The following TAF6L variants were observed in gnomAD, a reference collection of about 807,000 sequenced individuals.
The protein encoded by TAF6L is TAF6-like RNA polymerase II p300/CBP-associated factor-associated factor 65 kDa subunit 6L.
TAF6L carries 34 observed loss-of-function variants against 57.3 expected under a neutral mutation model. That is an observed-to-expected ratio of 0.59 (90% CI 0.45 to 0.79). The LOEUF (loss-of-function observed/expected upper bound fraction) is 0.79. TAF6L is among the 30% of genes least tolerant of loss of function. The pLI is 0.00. For missense variants in TAF6L, 782 were observed against 853.2 expected, an observed-to-expected ratio of 0.92 and a Z score of 1.04; for synonymous variants, 417 against 376.3, an observed-to-expected ratio of 1.11 and a Z score of -1.25.
chr11:62,772,058 C>T (rs1272245499), intron 1 of TAF6L: 12 of 455,810 alleles, frequency 2.6e-5, no homozygotes, highest in Non-Finnish European at 4.8e-5. Context: ...CTCCCCCTCC[C>T]TACTTACTCA....
chr11:62,771,863 A>C, intron 1 of TAF6L: 1 of 307,432 alleles, frequency 3.3e-6, no homozygotes, highest in Non-Finnish European at 6.5e-6. Context: ...GGTGGACTAA[A>C]TGCTCCCATT....
intron 1 of TAF6L, 155 bp from the exon 2 acceptor site, chr11:62,775,616 C>T (rs909525303): frequency 6.5e-6 from 5 of 763,850 alleles, no homozygotes; most frequent in African/African-American, 5.3e-5. Context: ...CTGTTTCCTT[C>T]TCTGAGCCTC....
rs199867484 is a variant in TAF6L, at chr11:62,786,548, C to T, written c.1121C>T (p.Ala374Val). ...GTAGAGCGACTGCTGAAGATGAAGG[C>T]CCAGGCAGCAGAGCCCAACAGGGGT... Reference protein sequence around the residue: ...VAVERLLKMKAQAAEPNRGGP... With the variant: ...VAVERLLKMKVQAAEPNRGGP... The change falls in exon 11 of 11, where the codon GCC (alanine) becomes GTC (valine). Residue 374 changes from alanine to valine, a missense_variant. Coordinates refer to ENST00000294168, the MANE Select transcript of TAF6L (RefSeq NM_006473.4). The T allele has an allele frequency of 1.3e-6, 2 of 1,553,738 alleles. No individual in the cohort carries two copies. The highest frequency in any genetic ancestry group is 1.7e-6 in the Non-Finnish European group (2 of 1,148,594).
intron 9 of TAF6L, among the ~76,000 whole-genome samples, chr11:62,783,738 A>G (rs2084248152): frequency 6.6e-6 from 1 of 151,598 alleles, no homozygotes; most frequent in East Asian, 2.0e-4. Context: ...TCATCATGTT[A>G]GCCAGGCTGG....
At chr11:62,783,284 C>A (rs1189475514) in intron 9 of TAF6L, among the ~76,000 whole-genome samples, 1 of 152,072 alleles carries the variant, frequency 6.6e-6, no homozygotes, top group Non-Finnish European at 1.5e-5. Flanking sequence ...AGATCGAAAC[C>A]ATCCTGGCTA....
Position 62,786,760 on chromosome 11 carries a change from T to C in TAF6L, c.1333T>C (p.Tyr445His), listed in dbSNP as rs776978761. The C allele has an allele frequency of 7.2e-5, 116 of 1,612,956 alleles. No individual in the cohort carries two copies. In the East Asian group the frequency reaches 1.5e-3, roughly 21 times the overall value. Residue 445 changes from tyrosine to histidine, a missense_variant, in exon 11 of 11, where the codon TAC becomes CAC. Tyr to His is a moderately conservative substitution (Grantham distance 83). This residue lies in a region of TAF6L where 483 missense variants were observed against 445.1 expected (regional missense o/e 1.09). Coordinates refer to ENST00000294168, the MANE Select transcript of TAF6L (RefSeq NM_006473.4). Reference protein sequence around the residue: ...VTLADIYRELYAFFGDSLATR... With the variant: ...VTLADIYRELHAFFGDSLATR... ...CCTGGCCGACATCTACCGGGAGCTC[T>C]ACGCCTTCTTCGGTGACAGCTTGGC...
At chr11:62,784,444 C>T (rs1193803867) in intron 9 of TAF6L, among the ~76,000 whole-genome samples, 1 of 151,464 alleles carries the variant, frequency 6.6e-6, no homozygotes, top group African/African-American at 2.4e-5. Context: ...GTAGCTGGGA[C>T]TACAGGCGCC....
intron 9 of TAF6L, among the ~76,000 whole-genome samples, chr11:62,784,551 C>T (rs1474382699): frequency 6.6e-6 from 1 of 152,122 alleles, no homozygotes; most frequent in Non-Finnish European, 1.5e-5. Context: ...CATGATCCGC[C>T]CGCCTTGGCC....
rs1463572206 is a variant in TAF6L at position 62,775,944 on chromosome 11, A to AC, written c.147+19dup. ...GAGGCCACGCAGGTACACTCCCCTC[A>AC]CCCCCTGATACCTCCAACTTTCCTT... On this transcript the variant is annotated intron_variant, in intron 2 of 10. Coordinates refer to ENST00000294168, the MANE Select transcript of TAF6L (RefSeq NM_006473.4). 1.3e-6 allele frequency: 2 copies of AC among 1,581,522 alleles called. No homozygotes were observed. Among genetic ancestry groups the AC allele is most frequent in the Non-Finnish European group, 1.7e-6 (2 of 1,163,402 alleles).
chr11:62,782,638 C>G (rs2084238871), intron 8 of TAF6L, 55 bp from the exon 9 acceptor site: 1 of 1,598,208 alleles, frequency 6.3e-7, no homozygotes, highest in African/African-American at 1.3e-5. Flanking sequence ...GTCTTGTGCC[C>G]TGTTGGGTGG....
intron 9 of TAF6L, among the ~76,000 whole-genome samples, chr11:62,785,482 G>A (rs1200552098): frequency 1.3e-5 from 2 of 151,374 alleles, no homozygotes; most frequent in African/African-American, 4.8e-5. Context: ...GTGAGCCACA[G>A]CGCCCGGCTG....
At chr11:62,779,967 TATATATATA>T (rs1177400377) in intron 6 of TAF6L, among the ~76,000 whole-genome samples, 1 of 74,022 alleles carries the variant, frequency 1.4e-5, no homozygotes, top group Admixed American at 1.4e-4. Context: ...TATATATATA[TATATATATA>T]TTTTTTTTTT....
chr11:62,771,995 G>A (rs1156249131), intron 1 of TAF6L: 3 of 409,646 alleles, frequency 7.3e-6, no homozygotes, highest in Admixed American at 2.9e-5. Flanking sequence ...TACAGCTGGC[G>A]GCTCCTGAAT....
At chr11:62,778,682 A>G in intron 5 of TAF6L, 187 bp from the exon 6 acceptor site, 1 of 624,150 alleles carries the variant, frequency 1.6e-6, no homozygotes, top group East Asian at 2.7e-5. Flanking sequence ...GACAGAGCAC[A>G]GAGGTGTGCA....
At chr11:62,786,491 C>T in intron 10 of TAF6L, 26 bp from the exon 11 acceptor site, 1 of 1,573,302 alleles carries the variant, frequency 6.4e-7, no homozygotes, top group South Asian at 1.2e-5. Flanking sequence ...GAATTTTTTG[C>T]CTATCTTAGT....
At chr11:62,783,201 C>T (rs1276846663) in intron 9 of TAF6L, among the ~76,000 whole-genome samples, 2 of 152,086 alleles carry the variant, frequency 1.3e-5, no homozygotes, top group African/African-American at 2.4e-5. Flanking sequence ...TAGGTGTTGG[C>T]GCCGGGCGCA....
At chr11:62,776,625 C>T (rs375801215) in intron 3 of TAF6L, among the ~76,000 whole-genome samples, 155 bp downstream of exon 3, 3 of 151,972 alleles carry the variant, frequency 2.0e-5, no homozygotes, top group South Asian at 2.1e-4. Context: ...CCGAGGTGGG[C>T]GGATCACTTG....
At chr11:62,784,022 A>G (rs376346304) in intron 9 of TAF6L, among the ~76,000 whole-genome samples, 1 of 2,676 alleles carries the variant, frequency 3.7e-4, no homozygotes, top group Non-Finnish European at 8.6e-4. Context: ...AGAGTCTCAC[A>G]CTGTCGCCCG....
intron 10 of TAF6L, 62 bp downstream of exon 10, chr11:62,786,450 C>G: frequency 6.3e-7 from 1 of 1,596,578 alleles, no homozygotes; most frequent in Non-Finnish European, 8.6e-7. Flanking sequence ...AGCAGGCTTA[C>G]TTTGGAATAT....
Sources: gnomAD v4.1 joint callset for allele counts (sites outside exome capture counted in the v4.1 genomes callset) on GRCh38, gnomAD v4.1.1 for gene constraint, gnomAD v4.1.1 regional missense constraint, MANE v1.5 for transcripts, NCBI Gene and HGNC (gene_info 2026-07-23, HGNC 2026-07-21) for gene names.